The following PKIG variants were observed in gnomAD, a reference collection of about 807,000 sequenced individuals.
PKIG encodes the protein cAMP-dependent protein kinase inhibitor gamma.
A neutral mutation model predicts 6.8 loss-of-function variants in PKIG; 1 was observed. The observed-to-expected ratio is 0.15, with a 90% CI of 0.05 to 0.69. The LOEUF is 0.69. Among genes scored for constraint, PKIG ranks in the 30% least tolerant of loss-of-function variants. The probability of loss-of-function intolerance (pLI) is 0.82; values close to 1 mark genes in which losing one functional copy is unlikely to be tolerated. For synonymous variants in PKIG, 39 were observed against 43.0 expected, an observed-to-expected ratio of 0.91 and a Z score of 0.36; for missense variants, 77 against 104.0, an observed-to-expected ratio of 0.74 and a Z score of 1.13.
chr20:44,610,027 A>G (rs575142850), intron 2 of PKIG, among the ~76,000 whole-genome samples: 1 of 152,318 alleles, frequency 6.6e-6, no homozygotes, highest in Non-Finnish European at 1.5e-5. Context: ...GTTTCCCCAG[A>G]GGCAGAGCGC....
At chr20:44,540,013 T>A (rs189718501) in intron 1 of PKIG, among the ~76,000 whole-genome samples, 11 of 152,230 alleles carry the variant, frequency 7.2e-5, no homozygotes, top group Admixed American at 7.2e-4. Flanking sequence ...GCTGCTGGAG[T>A]GCAGTGGTGT....
chr20:44,561,905 A>G (rs1267000661), intron 1 of PKIG, among the ~76,000 whole-genome samples: 2 of 152,272 alleles, frequency 1.3e-5, no homozygotes, highest in Non-Finnish European at 2.9e-5. Flanking sequence ...CTTAAAGAAA[A>G]GCTAAAAGCT....
chr20:44,538,661 C>T (rs550672429), intron 1 of PKIG, among the ~76,000 whole-genome samples: 1 of 152,124 alleles, frequency 6.6e-6, no homozygotes, highest in African/African-American at 2.4e-5. Context: ...GGATTTTTTC[C>T]TCCTCCTTTC....
chr20:44,613,050 T>C (rs988269713), intron 2 of PKIG, among the ~76,000 whole-genome samples: 18 of 152,354 alleles, frequency 1.2e-4, no homozygotes, highest in Non-Finnish European at 1.2e-4. Flanking sequence ...TCCCAAATCA[T>C]TTCTAAATGT....
intron 1 of PKIG, among the ~76,000 whole-genome samples, chr20:44,536,389 A>G (rs1435063215): frequency 6.6e-6 from 1 of 152,208 alleles, no homozygotes; most frequent in African/African-American, 2.4e-5. Flanking sequence ...CAGAAAAAAA[A>G]TGAGGAAGTA....
At chr20:44,610,972 A>G (rs963654551) in intron 2 of PKIG, among the ~76,000 whole-genome samples, 5 of 151,858 alleles carry the variant, frequency 3.3e-5, no homozygotes, top group African/African-American at 7.3e-5. Context: ...GGCAGTTAGC[A>G]TATCCATCAT....
chr20:44,548,964 G>A (rs983730914), intron 1 of PKIG, among the ~76,000 whole-genome samples: 1 of 151,334 alleles, frequency 6.6e-6, no homozygotes, highest in African/African-American at 2.4e-5. Flanking sequence ...ATCCCTGATG[G>A]TTTTAATAAT....
chr20:44,606,576 A>C (rs1413220050), intron 2 of PKIG, among the ~76,000 whole-genome samples: 1 of 152,206 alleles, frequency 6.6e-6, no homozygotes, highest in Admixed American at 6.5e-5. Flanking sequence ...TGGGAGGCTG[A>C]GGTGGCTGGA....
At chr20:44,568,117 G>C (rs1420892490) in intron 1 of PKIG, among the ~76,000 whole-genome samples, 1 of 152,038 alleles carries the variant, frequency 6.6e-6, no homozygotes, top group African/African-American at 2.4e-5. Flanking sequence ...CTCGAGCCTG[G>C]GTGACAGAAT....
intron 2 of PKIG, among the ~76,000 whole-genome samples, chr20:44,613,963 C>T (rs1167410096): frequency 6.6e-6 from 1 of 152,190 alleles, no homozygotes; most frequent in Non-Finnish European, 1.5e-5. Context: ...GCCTCCCTCC[C>T]TCAGAGCCTT....
chr20:44,614,505 C>T lies in PKIG; in HGVS notation c.-23-29C>T. 1 of 1,577,456 alleles carries T rather than the reference C, an allele frequency of 6.3e-7. No homozygotes were observed. Among genetic ancestry groups the T allele is most frequent in the Non-Finnish European group, 8.7e-7 (1 of 1,150,868 alleles). On this transcript the variant is annotated intron_variant, in intron 2 of 3. Coordinates refer to ENST00000372886, the MANE Select transcript of PKIG (RefSeq NM_001281445.2). This position sits in a 1 kb window ranked among gnomAD's most constrained non-coding sequence, Gnocchi z 4.6. Reference sequence around the variant, plus strand: ...CTCTGCAGAATGCATCTGGACTTACCTCTGCCCCCTTGCCTTCTGTCCCCA... The same window carrying T: ...CTCTGCAGAATGCATCTGGACTTACTTCTGCCCCCTTGCCTTCTGTCCCCA...
intron 1 of PKIG, among the ~76,000 whole-genome samples, chr20:44,544,079 A>G (rs1378340724): frequency 6.6e-6 from 1 of 152,014 alleles, no homozygotes; most frequent in South Asian, 2.1e-4. Flanking sequence ...AAAAAAAAAA[A>G]AAAGATTGTT....
At chr20:44,605,804 C>T (rs1167480885) in intron 2 of PKIG, among the ~76,000 whole-genome samples, 3 of 151,888 alleles carry the variant, frequency 2.0e-5, no homozygotes, top group Admixed American at 6.6e-5. Context: ...CCCAGCTTCT[C>T]AGGAAGCTAA....
intron 3 of PKIG, among the ~76,000 whole-genome samples, chr20:44,617,662 C>T (rs2065278615): frequency 6.6e-6 from 1 of 152,112 alleles, no homozygotes; most frequent in East Asian, 1.9e-4. Flanking sequence ...ACACACACCC[C>T]ATGATGCACG....
intron 1 of PKIG, among the ~76,000 whole-genome samples, chr20:44,570,740 AGAAAT>A: frequency 6.6e-6 from 1 of 152,218 alleles, no homozygotes; most frequent in East Asian, 1.9e-4. Flanking sequence ...AAGGCAGTAA[AGAAAT>A]GAATGAACAA....
At chr20:44,576,158 A>AGTGTGTGTGTGTGTGT (rs3221821) in intron 1 of PKIG, among the ~76,000 whole-genome samples, 1 of 140,492 alleles carries the variant, frequency 7.1e-6, no homozygotes, top group African/African-American at 2.6e-5. Flanking sequence ...GACTAAGTAG[A>AGTGTGTGTGTGTGTGT]GTGTGTGTGT....
At chr20:44,533,938 A>G (rs2064489993) in intron 1 of PKIG, among the ~76,000 whole-genome samples, 1 of 152,360 alleles carries the variant, frequency 6.6e-6, no homozygotes, top group East Asian at 1.9e-4. Flanking sequence ...TTGGGACCTC[A>G]TTGAGCAGAT....
At chr20:44,568,302 A>C (rs879763023) in intron 1 of PKIG, among the ~76,000 whole-genome samples, 1 of 152,190 alleles carries the variant, frequency 6.6e-6, no homozygotes, top group Admixed American at 6.5e-5. Flanking sequence ...AGTGTAAAAT[A>C]CTATTTTATA....
At position 44,602,170 on chromosome 20, in the gene PKIG, AG is replaced by A. The variant is rs2065126864; in HGVS notation, c.-24+12305del. 2.0e-5 allele frequency among the ~76,000 whole-genome samples: 3 copies of A among 152,336 alleles called. No homozygotes were observed. In the South Asian group the frequency reaches 6.2e-4, roughly 32 times the overall value. ...AGGAAAAGAAAGAGCTTCATTCTTT[AG>A]CACCCTGTAGGGCTCAGGCTGAGCT... On this transcript the variant is annotated intron_variant, in intron 2 of 3. Coordinates refer to ENST00000372886, the MANE Select transcript of PKIG (RefSeq NM_001281445.2).
Sources: allele counts gnomAD v4.1 joint callset (sites outside exome capture counted in the v4.1 genomes callset), GRCh38; gene constraint gnomAD v4.1.1; non-coding constraint Gnocchi (gnomAD v3.1); transcripts MANE v1.5; gene names NCBI Gene and HGNC (gene_info 2026-07-23, HGNC 2026-07-21).